The following PLB1 variants were observed in gnomAD, a reference collection of about 807,000 sequenced individuals.
PLB1 encodes phospholipase B1.
PLB1 carries 242 observed loss-of-function variants against 227.4 expected under a neutral mutation model. The observed-to-expected ratio is 1.06, with a 90% CI of 0.96 to 1.18. The LOEUF (loss-of-function observed/expected upper bound fraction) is 1.18. Among genes scored for constraint, PLB1 ranks in the 50% most tolerant of loss-of-function variants. PLB1 has a pLI of 0.00. For missense variants in PLB1, 1,858 were observed against 1,816.3 expected (o/e 1.02, Z -0.42); for synonymous variants, 757 against 682.2 (o/e 1.11, Z -1.71).
intron 21 of PLB1, among the ~76,000 whole-genome samples, chr2:28,576,908 A>C: frequency 6.6e-6 from 1 of 152,114 alleles, no homozygotes; most frequent in East Asian, 1.9e-4. Flanking sequence ...GACTCACATC[A>C]GGCCAGTAGG....
In PLB1 at chr2:28,615,306, G is replaced by A. The variant is rs531817336; in HGVS notation, c.3195+1210G>A. On this transcript the variant is annotated intron_variant, in intron 44 of 57. Coordinates refer to ENST00000327757, the MANE Select transcript of PLB1 (RefSeq NM_153021.5). ...CAGATCACACAAAGCCTGAATTACT[G>A]AGTAAAACCACTGGATTTCAAGTGG... 3.9e-5 allele frequency among the ~76,000 whole-genome samples: 6 copies of A among 152,246 alleles called. No homozygotes were observed. In the South Asian group the frequency reaches 1.2e-3, roughly 32 times the overall value.
At chr2:28,539,658 G>A (rs1160217310) in intron 11 of PLB1, among the ~76,000 whole-genome samples, 2 of 152,138 alleles carry the variant, frequency 1.3e-5, no homozygotes, top group Non-Finnish European at 2.9e-5. Flanking sequence ...AGAAGTTCAT[G>A]TGGAAAAAGT....
chr2:28,566,935 C>T (rs1242960685), intron 20 of PLB1, 96 bp downstream of exon 20: 4 of 1,401,010 alleles, frequency 2.9e-6, no homozygotes, highest in East Asian at 4.8e-5. Context: ...GGAGGAGCCC[C>T]GGCTGCAGGA....
At position 28,635,673 on chromosome 2, in the gene PLB1, C is replaced by G. The variant is rs1003983122; in HGVS notation, c.4098+2634C>G. The stretch of plus-strand genomic sequence containing the variant: ...TCATCTTATTTCATCTCCTGCCCCT[C>G]CTCTCACGTCCTTCTCGAGACTTTT... On this transcript the variant is annotated intron_variant, in intron 56 of 57. Coordinates refer to ENST00000327757, the MANE Select transcript of PLB1 (RefSeq NM_153021.5). 2.7e-5 allele frequency among the ~76,000 whole-genome samples: 4 copies of G among 150,716 alleles called. No individual in the cohort carries two copies. The East Asian group carries it at 7.7e-4, about 29-fold the overall frequency.
chr2:28,526,068 G>T, intron 6 of PLB1, 123 bp downstream of exon 6: 1 of 1,113,324 alleles, frequency 9.0e-7, no homozygotes, highest in Non-Finnish European at 1.3e-6. Context: ...CAGGAGAAAG[G>T]GGACGGTGTT....
At chr2:28,635,781 A>C (rs1420463387) in intron 56 of PLB1, among the ~76,000 whole-genome samples, 1 of 152,146 alleles carries the variant, frequency 6.6e-6, no homozygotes, top group Admixed American at 6.5e-5. Flanking sequence ...TATCTGAAGA[A>C]GTTTCTCTTT....
intron 35 of PLB1, among the ~76,000 whole-genome samples, chr2:28,600,006 T>C (rs11127178): frequency 0.59 from 89,423 of 151,854 alleles, 26,778 homozygotes; most frequent in East Asian, 0.89. Flanking sequence ...CTCCCAGGTT[T>C]AAGCAATCAT....
At chr2:28,547,721 A>G (rs570982134) in intron 14 of PLB1, among the ~76,000 whole-genome samples, 1 of 152,356 alleles carries the variant, frequency 6.6e-6, no homozygotes, top group African/African-American at 2.4e-5. Flanking sequence ...GCCAGATGAC[A>G]GTAAAACTGG....
intron 1 of PLB1, among the ~76,000 whole-genome samples, chr2:28,501,752 T>G (rs542542558): frequency 6.6e-6 from 1 of 152,060 alleles, no homozygotes; most frequent in Non-Finnish European, 1.5e-5. Context: ...TGCATTTTGA[T>G]TTTTTTACTT....
intron 56 of PLB1, among the ~76,000 whole-genome samples, chr2:28,639,069 A>G (rs192865230): frequency 0.13 from 10,290 of 81,372 alleles, 460 homozygotes; most frequent in Non-Finnish European, 0.22. Flanking sequence ...TTCCATCTAA[A>G]AAAAAAAAAA....
rs576582281 is a variant in PLB1 at position 28,615,449 on chromosome 2, G to A, written c.3195+1353G>A. On this transcript the variant is annotated intron_variant, in intron 44 of 57. Coordinates refer to ENST00000327757, the MANE Select transcript of PLB1 (RefSeq NM_153021.5). The stretch of plus-strand genomic sequence containing the variant: ...GGGTTGGCCATCAGCAGGAGTGATT[G>A]GGGAAAGACATTTTATAAGCCAGCT... Among the ~76,000 whole-genome samples, 4 of 152,270 alleles carry A rather than the reference G, an allele frequency of 2.6e-5. No homozygotes were observed. In the East Asian group the frequency reaches 7.7e-4, roughly 29 times the overall value.
intron 33 of PLB1, chr2:28,595,722 C>G (rs1157744990): frequency 6.6e-6 from 1 of 151,968 alleles, no homozygotes; most frequent in Non-Finnish European, 1.5e-5. Context: ...ATTGGACAAA[C>G]TAGGCAATTA....
intron 8 of PLB1, among the ~76,000 whole-genome samples, chr2:28,530,656 C>G (rs779615335): frequency 6.6e-6 from 1 of 152,158 alleles, no homozygotes; most frequent in African/African-American, 2.4e-5. Context: ...TTTGTGTTGC[C>G]CTTATGGGCA....
intron 17 of PLB1, among the ~76,000 whole-genome samples, chr2:28,562,596 G>A (rs984645286): frequency 3.7e-5 from 5 of 133,936 alleles, no homozygotes; most frequent in African/African-American, 8.6e-5. Context: ...TCACTTTAGA[G>A]AAACTGAACT....
chr2:28,602,961 C>T (rs749368626), intron 39 of PLB1, 40 bp downstream of exon 39: 43 of 1,560,348 alleles, frequency 2.8e-5, no homozygotes, highest in Admixed American at 3.3e-5. Flanking sequence ...GAGATGCCCT[C>T]ACCTCCTGGT....
chr2:28,533,892 TTTAG>T (rs1396459819), intron 9 of PLB1, among the ~76,000 whole-genome samples: 2 of 152,210 alleles, frequency 1.3e-5, no homozygotes, highest in Non-Finnish European at 2.9e-5. Flanking sequence ...TATTTGTATT[TTTAG>T]TTATGCAAGC....
rs1344253694 is a variant in PLB1, at chr2:28,598,038, C to T, written c.2355C>T (p.Thr785=). ...GGGACGGCTCCCTGGAGAATGTGAC[C>T]ACCTTACCTAGTAAGTAACCATCAG... is the stretch of plus-strand genomic sequence containing the variant. The part of the protein sequence containing the change: ...AGGDGSLENV[T]TLPNILREFN... The change falls in exon 34 of 58, where the codon ACC becomes ACT. Residue 785 remains threonine (T), a synonymous_variant. Coordinates refer to ENST00000327757, the MANE Select transcript of PLB1 (RefSeq NM_153021.5). 1.2e-6 allele frequency: 2 copies of T among 1,612,942 alleles called. No individual in the cohort carries two copies. The highest frequency in any genetic ancestry group is 3.3e-5 in the Admixed American group (2 of 59,968).
At chr2:28,606,013 T>C (rs1684626537) in intron 42 of PLB1, 65 bp downstream of exon 42, 4 of 1,289,944 alleles carry the variant, frequency 3.1e-6, no homozygotes, top group African/African-American at 1.5e-5. Context: ...CCAGCCCCTA[T>C]AGAATGGAGT....
At chr2:28,593,421 A>T (rs1682338766) in intron 32 of PLB1, among the ~76,000 whole-genome samples, 1 of 152,208 alleles carries the variant, frequency 6.6e-6, no homozygotes, top group African/African-American at 2.4e-5. Flanking sequence ...TTACAACTGT[A>T]ATCCAATTTG....
Sources: allele counts gnomAD v4.1 joint callset (sites outside exome capture counted in the v4.1 genomes callset), GRCh38; gene constraint gnomAD v4.1.1; transcripts MANE v1.5; gene names NCBI Gene and HGNC (gene_info 2026-07-23, HGNC 2026-07-21).